Variants in FAT3 observed in about 807,000 individuals in gnomAD.
The protein encoded by FAT3 is FAT atypical cadherin 3.
FAT3 carries 95 observed loss-of-function variants against 310.2 expected under a neutral mutation model. That is an observed-to-expected ratio of 0.31 (90% confidence interval 0.26 to 0.36). The LOEUF (loss-of-function observed/expected upper bound fraction) is 0.36. Ranked by LOEUF, FAT3 falls within the 10% of genes least tolerant of loss-of-function variation. FAT3 has a pLI of 1.00. For missense variants in FAT3, 5,408 were observed against 5,715.6 expected (o/e 0.95, Z 1.74); for synonymous variants, 2,314 against 2,192.9 (o/e 1.06, Z -1.54).
At chr11:92,668,023 A>G (rs1943011126) in intron 3 of FAT3, among the ~76,000 whole-genome samples, 1 of 152,194 alleles carries the variant, frequency 6.6e-6, no homozygotes, top group African/African-American at 2.4e-5. Context: ...CTCCATTAGG[A>G]AAGATCATCA....
intron 2 of FAT3, among the ~76,000 whole-genome samples, chr11:92,396,304 A>C (rs1182421587): frequency 6.6e-6 from 1 of 152,168 alleles, no homozygotes; most frequent in Admixed American, 6.6e-5. Context: ...AAGTGTAACT[A>C]GTCCCAAACC....
intron 1 of FAT3, among the ~76,000 whole-genome samples, chr11:92,320,420 T>C (rs1947583833): frequency 7.2e-6 from 1 of 138,658 alleles, no homozygotes; most frequent in South Asian, 2.1e-4. Context: ...TGCATTCTTT[T>C]ACCAAAGGCC....
Position 92,277,944 on chromosome 11 carries a change from CCTGGTGGCACAAGCCTGTATTCCCAG to C in FAT3, c.-18+52773_-18+52798del, listed in dbSNP as rs1215508855. ...AAAAACAACAAAAAAATTAGCTGGG[CCTGGTGGCACAAGCCTGTATTCCCAG>C]CTCCTCAGGAGGCTGACTGATGGGA... On this transcript the variant is annotated intron_variant, in intron 1 of 27. Transcript: ENST00000525166. Among the ~76,000 whole-genome samples, 7 of 151,914 alleles carry C rather than the reference CCTGGTGGCACAAGCCTGTATTCCCAG, an allele frequency of 4.6e-5. No homozygotes were observed. The South Asian group carries it at 8.3e-4, about 18-fold the overall frequency.
At chr11:92,400,385 G>A (rs1949985625) in intron 2 of FAT3, 1 of 152,070 alleles carries the variant, frequency 6.6e-6, no homozygotes, top group African/African-American at 2.4e-5. Context: ...GTCCTTCTAA[G>A]TGTTTTCTCT....
intron 1 of FAT3, among the ~76,000 whole-genome samples, chr11:92,335,371 A>G (rs1048020903): frequency 5.9e-5 from 9 of 152,154 alleles, no homozygotes; most frequent in Admixed American, 1.3e-4. Flanking sequence ...GAGTTTTGCA[A>G]TCGATTAGAT....
Position 92,891,228 on chromosome 11 carries a change from T to C in FAT3, c.*115T>C, listed in dbSNP as rs1949912593. The C allele has an allele frequency of 4.4e-6, 6 of 1,359,968 alleles. No homozygotes were observed. Among genetic ancestry groups the C allele is most frequent in the East Asian group, 2.5e-5 (1 of 39,948 alleles). 84.2% of individuals were successfully genotyped at this position (1,359,968 alleles called of 1,614,324 possible). ...GAATGAGAAGGGAATACTGTATTTTTCCACTAGAAACTTCTTCACAAGTCA... is the reference window on the plus strand; with the variant it reads ...GAATGAGAAGGGAATACTGTATTTTCCCACTAGAAACTTCTTCACAAGTCA... On this transcript the variant is annotated 3_prime_UTR_variant, in exon 28 of 28. Transcript: ENST00000525166.
chr11:92,765,944 G>A (rs974937281), intron 6 of FAT3, among the ~76,000 whole-genome samples: 2 of 152,000 alleles, frequency 1.3e-5, no homozygotes, highest in East Asian at 1.9e-4. Context: ...GTTTTGCAGC[G>A]GTAGTACCAT....
chr11:92,463,038 C>T lies in FAT3; in HGVS notation c.3293-61596C>T, dbSNP rs1243384028. ...CAAGATGCACAAGCCCCATGCTCAG[C>T]GTGGAGCAGCCTGCTTCTTGATGGT... On this transcript the variant is annotated intron_variant, in intron 2 of 27. Coordinates refer to ENST00000525166, the MANE Select transcript of FAT3 (RefSeq NM_001367949.2). 3.3e-5 allele frequency among the ~76,000 whole-genome samples: 5 copies of T among 152,186 alleles called. No homozygotes were observed. The East Asian group carries it at 9.6e-4, about 29-fold the overall frequency.
chr11:92,249,233 G>T (rs1355522636), intron 1 of FAT3, among the ~76,000 whole-genome samples: 2 of 152,104 alleles, frequency 1.3e-5, no homozygotes, highest in African/African-American at 4.8e-5. Context: ...AGATGAACTT[G>T]CAGGGAGTAA....
At position 92,799,168 on chromosome 11, in the gene FAT3, T is replaced by C; in HGVS notation, c.6155T>C (p.Leu2052Pro). The C allele has an allele frequency of 6.2e-7, 1 of 1,613,934 alleles. No individual in the cohort carries two copies. Among genetic ancestry groups the C allele is most frequent in the Non-Finnish European group, 8.5e-7 (1 of 1,179,862 alleles). The change falls in exon 10 of 28, where the codon CTG becomes CCG. Residue 2052 changes from leucine to proline, a missense_variant. Physicochemically the swap from Leu to Pro is moderately conservative, Grantham distance 98. This residue lies in a region of FAT3 where 4,588 missense variants were observed against 4,809.8 expected (regional missense o/e 0.95). Transcript: ENST00000525166. ...FDREEQELYE[L>P]VVEASRELDH... ...CGTGAAGAACAAGAGTTATATGAGC[T>C]GGTGGTAGAAGCCAGCCGTGAGCTG...
chr11:92,321,585 A>G (rs753771208), intron 1 of FAT3, among the ~76,000 whole-genome samples: 1 of 152,154 alleles, frequency 6.6e-6, no homozygotes, highest in African/African-American at 2.4e-5. Context: ...TTTCCTGAGA[A>G]AAAAAGAAAA....
At chr11:92,264,703 G>A (rs1227742714) in intron 1 of FAT3, among the ~76,000 whole-genome samples, 5 of 152,108 alleles carry the variant, frequency 3.3e-5, no homozygotes, top group Non-Finnish European at 7.4e-5. Flanking sequence ...AGAGACACTA[G>A]CCATGCTTCT....
At chr11:92,628,361 T>G (rs572266107) in intron 3 of FAT3, among the ~76,000 whole-genome samples, 16 of 152,348 alleles carry the variant, frequency 1.1e-4, no homozygotes, top group African/African-American at 3.8e-4. Context: ...TAAGTTTAGC[T>G]TCTGTTCTTC....
chr11:92,251,645 C>T (rs1233288012), intron 1 of FAT3, among the ~76,000 whole-genome samples: 1 of 151,994 alleles, frequency 6.6e-6, no homozygotes, highest in African/African-American at 2.4e-5. Context: ...CATCAGTTTA[C>T]TGGGAAAAGA....
intron 2 of FAT3, among the ~76,000 whole-genome samples, chr11:92,458,039 A>G (rs894156454): frequency 6.6e-6 from 1 of 152,224 alleles, no homozygotes; most frequent in African/African-American, 2.4e-5. Flanking sequence ...AGAAAGCATC[A>G]TCTTCTTCTT....
chr11:92,657,832 C>G (rs530740814), intron 3 of FAT3, among the ~76,000 whole-genome samples: 1 of 152,236 alleles, frequency 6.6e-6, no homozygotes, highest in Non-Finnish European at 1.5e-5. Flanking sequence ...CCCAACTAAT[C>G]CATTACAAAG....
At chr11:92,880,291 T>A (rs1338700436) in intron 22 of FAT3, among the ~76,000 whole-genome samples, 1 of 147,716 alleles carries the variant, frequency 6.8e-6, no homozygotes, top group Non-Finnish European at 1.5e-5. Flanking sequence ...TGGGTGGGAT[T>A]TCAGTACTTG....
At chr11:92,604,458 C>T (rs569845656) in intron 3 of FAT3, among the ~76,000 whole-genome samples, 4 of 152,170 alleles carry the variant, frequency 2.6e-5, no homozygotes, top group African/African-American at 4.8e-5. Context: ...GTTGATAATC[C>T]TCCCTGGGTA....
chr11:92,526,081 A>G (rs1953851206), intron 3 of FAT3, among the ~76,000 whole-genome samples: 1 of 152,210 alleles, frequency 6.6e-6, no homozygotes, highest in Non-Finnish European at 1.5e-5. Flanking sequence ...CAAAGAGAGT[A>G]GTAATTATCA....
Sources: allele counts gnomAD v4.1 joint callset (sites outside exome capture counted in the v4.1 genomes callset), GRCh38; gene constraint gnomAD v4.1.1; regional missense constraint gnomAD v4.1.1; transcripts MANE v1.5; gene names NCBI Gene and HGNC (gene_info 2026-07-23, HGNC 2026-07-21).